ADAMTS6: variants seen among roughly 807,000 people sequenced by gnomAD.
The protein encoded by ADAMTS6 is ADAM metallopeptidase with thrombospondin type 1 motif 6.
In ADAMTS6, 23 loss-of-function variants were observed where a neutral mutation model predicts 144.3. That is an observed-to-expected ratio of 0.16 (90% confidence interval 0.11 to 0.23). The LOEUF (loss-of-function observed/expected upper bound fraction) is 0.23. Among genes scored for constraint, ADAMTS6 ranks in the 10% least tolerant of loss-of-function variants. The pLI, the probability that ADAMTS6 is intolerant of heterozygous loss-of-function variation, is 1.00. For missense variants in ADAMTS6, 999 were observed against 1,379.6 expected (o/e 0.72, Z 4.37); for synonymous variants, 444 against 457.5 (o/e 0.97, Z 0.38).
At chr5:65,268,479 A>C (rs1163740378) in intron 12 of ADAMTS6, among the ~76,000 whole-genome samples, 2 of 152,148 alleles carry the variant, frequency 1.3e-5, no homozygotes, top group Non-Finnish European at 2.9e-5. Flanking sequence ...TATCCAAGGA[A>C]AGCTCTCTGG....
chr5:65,386,822 A>G (rs1752512008), intron 7 of ADAMTS6, among the ~76,000 whole-genome samples: 1 of 152,196 alleles, frequency 6.6e-6, no homozygotes, highest in Non-Finnish European at 1.5e-5. Context: ...CCTGACCTCA[A>G]GTGATCCATT....
At chr5:65,458,881 T>A (rs1759429302) in intron 4 of ADAMTS6, among the ~76,000 whole-genome samples, 1 of 152,228 alleles carries the variant, frequency 6.6e-6, no homozygotes, top group South Asian at 2.1e-4. Flanking sequence ...AACAGTCATC[T>A]TAATGATAGC....
At position 65,446,520 on chromosome 5, in the gene ADAMTS6, C is replaced by T. The variant is rs572105657; in HGVS notation, c.1073+4955G>A. On this transcript the variant is annotated intron_variant, in intron 7 of 24. Transcript: ENST00000381055. Reference sequence around the variant, plus strand: ...GTATTTTGAGATGTATTTATAAATCCTGTGCTTTTCATTAATGAAAAACTG... The same window carrying T: ...GTATTTTGAGATGTATTTATAAATCTTGTGCTTTTCATTAATGAAAAACTG... Among the ~76,000 whole-genome samples, 3 of 152,164 alleles carry T rather than the reference C, an allele frequency of 2.0e-5. No homozygotes were observed. The South Asian group carries it at 6.2e-4, about 32-fold the overall frequency.
chr5:65,190,144 T>C (rs1754918057), intron 21 of ADAMTS6, among the ~76,000 whole-genome samples: 1 of 152,222 alleles, frequency 6.6e-6, no homozygotes, highest in Non-Finnish European at 1.5e-5. Flanking sequence ...AAACCAGCAT[T>C]TAGAAATATA....
intron 23 of ADAMTS6, 131 bp downstream of exon 23, chr5:65,172,701 T>A (rs1753709177): frequency 9.3e-7 from 1 of 1,070,716 alleles, no homozygotes; most frequent in Admixed American, 2.8e-5. Context: ...TTCACACTCA[T>A]GCCTCATACT....
At chr5:65,414,512 G>A (rs1032541795) in intron 7 of ADAMTS6, among the ~76,000 whole-genome samples, 1 of 152,082 alleles carries the variant, frequency 6.6e-6, no homozygotes, top group Non-Finnish European at 1.5e-5. Context: ...GGGAAAAAAT[G>A]CTAATATATT....
intron 7 of ADAMTS6, among the ~76,000 whole-genome samples, chr5:65,357,903 T>C (rs1006882611): frequency 3.3e-5 from 5 of 151,876 alleles, no homozygotes; most frequent in Non-Finnish European, 7.4e-5. Context: ...TTATACTAAA[T>C]ATCTAAAGGC....
intron 10 of ADAMTS6, among the ~76,000 whole-genome samples, chr5:65,294,621 T>A (rs1742653756): frequency 6.6e-6 from 1 of 152,236 alleles, no homozygotes; most frequent in Non-Finnish European, 1.5e-5. Context: ...AGCCTATAGA[T>A]GATAATTATT....
chr5:65,173,758 C>T (rs1427046243), intron 22 of ADAMTS6, among the ~76,000 whole-genome samples: 1 of 152,144 alleles, frequency 6.6e-6, no homozygotes, highest in Non-Finnish European at 1.5e-5. Flanking sequence ...GGCACGGCAG[C>T]TTACGCCTGT....
intron 8 of ADAMTS6, among the ~76,000 whole-genome samples, chr5:65,332,330 G>GAGAGAGAGAGAC (rs1675553314): frequency 4.0e-5 from 6 of 148,860 alleles, no homozygotes; most frequent in African/African-American, 1.5e-4. Context: ...GAGAGAGAGA[G>GAGAGAGAGAGAC]AGAGAGAGAG....
intron 7 of ADAMTS6, among the ~76,000 whole-genome samples, chr5:65,394,039 T>C (rs1411954007): frequency 6.6e-6 from 1 of 152,194 alleles, no homozygotes; most frequent in Non-Finnish European, 1.5e-5. Context: ...AATTTTTTTT[T>C]CCAAAGATGG....
chr5:65,192,778 C>G (rs1371842010), intron 21 of ADAMTS6, among the ~76,000 whole-genome samples: 1 of 151,702 alleles, frequency 6.6e-6, no homozygotes, highest in East Asian at 1.9e-4. Flanking sequence ...AACATGATAA[C>G]TTTCCCCAGC....
At chr5:65,475,586 G>A (rs529386188) in intron 1 of ADAMTS6, among the ~76,000 whole-genome samples, 1 of 152,254 alleles carries the variant, frequency 6.6e-6, no homozygotes, top group Non-Finnish European at 1.5e-5. Context: ...AGAGAAGAAT[G>A]AATCAAGGAA....
At chr5:65,210,654 A>G in intron 20 of ADAMTS6, 1 of 619,144 alleles carries the variant, frequency 1.6e-6, no homozygotes, top group Non-Finnish European at 3.0e-6. Flanking sequence ...ACAGTACCAA[A>G]CAATTCCCTG....
At chr5:65,228,436 C>T (rs1283224200) in intron 15 of ADAMTS6, among the ~76,000 whole-genome samples, 2 of 152,260 alleles carry the variant, frequency 1.3e-5, no homozygotes, top group East Asian at 1.9e-4. Context: ...AATGAGCTTT[C>T]AGAAAAGGTA....
intron 7 of ADAMTS6, among the ~76,000 whole-genome samples, chr5:65,369,765 A>G: frequency 6.6e-6 from 1 of 152,138 alleles, no homozygotes. Context: ...ACCTATATGA[A>G]TATGAGCTAT....
intron 11 of ADAMTS6, among the ~76,000 whole-genome samples, chr5:65,281,314 T>C (rs751024318): frequency 3.3e-5 from 5 of 152,216 alleles, no homozygotes; most frequent in Non-Finnish European, 5.9e-5. Context: ...GGCTGATTAG[T>C]AATGGTTTAC....
At chr5:65,215,037 G>A in intron 19 of ADAMTS6, 105 bp from the exon 20 acceptor site, 1 of 1,403,970 alleles carries the variant, frequency 7.1e-7, no homozygotes, top group Non-Finnish European at 9.6e-7. Context: ...AGTCTTACAG[G>A]AAACTTAATA....
chr5:65,258,030 T>A (rs1052517270), intron 14 of ADAMTS6, among the ~76,000 whole-genome samples: 4 of 152,212 alleles, frequency 2.6e-5, no homozygotes, highest in African/African-American at 7.2e-5. Flanking sequence ...AAGATCATCA[T>A]AATTGAAGCT....
Sources: gnomAD v4.1 joint callset for allele counts (sites outside exome capture counted in the v4.1 genomes callset) on GRCh38, gnomAD v4.1.1 for gene constraint, MANE v1.5 for transcripts, NCBI Gene and HGNC (gene_info 2026-07-23, HGNC 2026-07-21) for gene names.